Variants in RERE observed in about 807,000 individuals in gnomAD.
The protein encoded by RERE is arginine-glutamic acid dipeptide repeats.
In RERE, 40 loss-of-function variants were observed where a neutral mutation model predicts 146.1. That is an observed-to-expected ratio of 0.27 (90% CI 0.21 to 0.36). RERE has a LOEUF of 0.36. Ranked by LOEUF, RERE falls within the 10% of genes least tolerant of loss-of-function variation. RERE has a pLI of 1.00. For synonymous variants in RERE, 1,003 were observed against 866.0 expected (o/e 1.16, Z -2.78); for missense variants, 1,933 against 2,138.7 (o/e 0.90, Z 1.90).
chr1:8,369,413 GT>G (rs2124384949), intron 12 of RERE, among the ~76,000 whole-genome samples: 1 of 141,088 alleles, frequency 7.1e-6, no homozygotes, highest in Non-Finnish European at 1.5e-5. Context: ...TAAAGAAGAA[GT>G]AGTCCAGAAC....
chr1:8,382,413 G>A (rs747245832), intron 12 of RERE, among the ~76,000 whole-genome samples: 2 of 152,258 alleles, frequency 1.3e-5, no homozygotes, highest in African/African-American at 4.8e-5. Context: ...AACTCAATTC[G>A]CAGCTTAGGC....
chr1:8,658,126 A>G (rs1638365203), intron 1 of RERE, among the ~76,000 whole-genome samples: 1 of 152,226 alleles, frequency 6.6e-6, no homozygotes, highest in Non-Finnish European at 1.5e-5. Flanking sequence ...CAGTTTTGGA[A>G]TAGACCTAAC....
At chr1:8,512,392 C>A (rs1451391590) in intron 7 of RERE, among the ~76,000 whole-genome samples, 1 of 151,614 alleles carries the variant, frequency 6.6e-6, no homozygotes, top group Non-Finnish European at 1.5e-5. Context: ...TTGTCTTTTA[C>A]TTAACATTTC....
chr1:8,528,197 G>A (rs1052934197), intron 7 of RERE, among the ~76,000 whole-genome samples: 4 of 152,084 alleles, frequency 2.6e-5, no homozygotes, highest in African/African-American at 9.7e-5. Context: ...AAGAACACTT[G>A]ACAAAACTGG....
intron 11 of RERE, among the ~76,000 whole-genome samples, chr1:8,450,927 C>A (rs1160881537): frequency 6.6e-6 from 1 of 152,192 alleles, no homozygotes; most frequent in Non-Finnish European, 1.5e-5. Context: ...ATTCTTGGTG[C>A]TCTTTATTCC....
Position 8,664,749 on chromosome 1 carries a change from T to G in RERE, c.-144-8308A>C, listed in dbSNP as rs188330193. Reference sequence around the variant, plus strand: ...TATAAATTTCTCTCAAACTTATACCTCCAAACACCTCCAACATCACAAATC... The same window carrying G: ...TATAAATTTCTCTCAAACTTATACCGCCAAACACCTCCAACATCACAAATC... On this transcript the variant is annotated intron_variant, in intron 1 of 22. Transcript: ENST00000400908. Among the ~76,000 whole-genome samples the G allele has an allele frequency of 3.3e-5, 5 of 152,290 alleles. No individual in the cohort carries two copies. The East Asian group carries it at 9.6e-4, about 29-fold the overall frequency.
chr1:8,671,363 T>C (rs1183256009), intron 1 of RERE, among the ~76,000 whole-genome samples: 2 of 152,196 alleles, frequency 1.3e-5, no homozygotes. Context: ...GCCGTCTACA[T>C]AGGAAACGGG....
intron 8 of RERE, among the ~76,000 whole-genome samples, chr1:8,501,099 C>T (rs1466569814): frequency 2.1e-5 from 3 of 144,784 alleles, no homozygotes; most frequent in Non-Finnish European, 3.1e-5. Flanking sequence ...CTCCTCTGCC[C>T]GGCCGCCCCT....
At chr1:8,791,843 T>C (rs1404528310) in intron 1 of RERE, among the ~76,000 whole-genome samples, 1 of 152,164 alleles carries the variant, frequency 6.6e-6, no homozygotes, top group Non-Finnish European at 1.5e-5. Flanking sequence ...TAGAAAATAC[T>C]AAGAAAAGAA....
intron 1 of RERE, chr1:8,786,306 T>A: frequency 1.1e-6 from 1 of 905,116 alleles, no homozygotes; most frequent in Non-Finnish European, 1.8e-6. Context: ...GAGAAAATAA[T>A]TTGAAGGGCC....
At chr1:8,675,247 A>G (rs1331727289) in intron 1 of RERE, among the ~76,000 whole-genome samples, 2 of 152,216 alleles carry the variant, frequency 1.3e-5, no homozygotes, top group East Asian at 3.9e-4. Flanking sequence ...TGGTTATGAT[A>G]TGTGCTGCTT....
At chr1:8,466,195 TC>T (rs947951410) in intron 10 of RERE, among the ~76,000 whole-genome samples, 172 bp from the exon 11 acceptor site, 1 of 151,974 alleles carries the variant, frequency 6.6e-6, no homozygotes, top group Non-Finnish European at 1.5e-5. Context: ...GACCACCCTA[TC>T]CCAACCCCTA....
chr1:8,735,493 G>C (rs1333545498), intron 1 of RERE, among the ~76,000 whole-genome samples: 1 of 152,096 alleles, frequency 6.6e-6, no homozygotes, highest in Non-Finnish European at 1.5e-5. Flanking sequence ...TTTACTTCCT[G>C]TATCTTTGAG....
At chr1:8,442,745 CAGA>C (rs1431528920) in intron 11 of RERE, among the ~76,000 whole-genome samples, 1 of 152,100 alleles carries the variant, frequency 6.6e-6, no homozygotes, top group Non-Finnish European at 1.5e-5. Context: ...TTGCAGGGCT[CAGA>C]AGAAGACAGG....
At chr1:8,657,160 C>T (rs555697999) in intron 1 of RERE, among the ~76,000 whole-genome samples, 1 of 152,076 alleles carries the variant, frequency 6.6e-6, no homozygotes, top group East Asian at 1.9e-4. Flanking sequence ...CAAAAATTAG[C>T]TGGGTGTGGT....
chr1:8,357,635 C>T (rs1641350100), intron 20 of RERE, among the ~76,000 whole-genome samples: 1 of 152,240 alleles, frequency 6.6e-6, no homozygotes. Flanking sequence ...CTGCCTCTGC[C>T]TCAGAGCAGC....
rs760540694 is a variant in RERE at position 8,548,304 on chromosome 1, T to C, written c.726-6986A>G. 1.9e-4 allele frequency among the ~76,000 whole-genome samples: 29 copies of C among 152,154 alleles called. 1 individual carries two copies. The highest frequency in any genetic ancestry group is 2.4e-5 in the African/African-American group (1 of 41,434). ...GGCAGGGTTGAAGAGTATCTTCTTATAACCCTGACTCTTAGAACCACAGCA... is the reference window on the plus strand; with the variant it reads ...GGCAGGGTTGAAGAGTATCTTCTTACAACCCTGACTCTTAGAACCACAGCA... On this transcript the variant is annotated intron_variant, in intron 6 of 22. Transcript: ENST00000400908.
At chr1:8,585,220 C>A (rs964087487) in intron 4 of RERE, among the ~76,000 whole-genome samples, 1 of 150,952 alleles carries the variant, frequency 6.6e-6, no homozygotes, top group African/African-American at 2.4e-5. Flanking sequence ...AACCAGAAAT[C>A]TGTCTGAAAG....
At chr1:8,399,152 T>G (rs562752953) in intron 12 of RERE, among the ~76,000 whole-genome samples, 8 of 151,964 alleles carry the variant, frequency 5.3e-5, no homozygotes, top group Non-Finnish European at 1.2e-4. Flanking sequence ...ATGTTATAAA[T>G]ATCTTCTCTC....
Sources: allele counts gnomAD v4.1 joint callset (sites outside exome capture counted in the v4.1 genomes callset), GRCh38; gene constraint gnomAD v4.1.1; transcripts MANE v1.5; gene names NCBI Gene and HGNC (gene_info 2026-07-23, HGNC 2026-07-21).